Variants in WDFY4 observed in about 807,000 individuals in gnomAD.
WDFY4 encodes the protein WD repeat- and FYVE domain-containing protein 4.
In WDFY4, 169 loss-of-function variants were observed where a neutral mutation model predicts 351.9. That is an observed-to-expected ratio of 0.48 (90% CI 0.42 to 0.55). The LOEUF is 0.55. Ranked by LOEUF, WDFY4 falls within the 20% of genes least tolerant of loss-of-function variation. The probability of loss-of-function intolerance (pLI) is 0.00; values close to 1 mark genes in which losing one functional copy is unlikely to be tolerated. For synonymous variants in WDFY4, 1,622 were observed against 1,574.6 expected (o/e 1.03, Z -0.71); for missense variants, 3,803 against 3,935.6 (o/e 0.97, Z 0.90).
chr10:48,890,892 A>G (rs2070668365), intron 44 of WDFY4, among the ~76,000 whole-genome samples, 165 bp downstream of exon 44: 1 of 152,172 alleles, frequency 6.6e-6, no homozygotes. Context: ...TAGGCCATCC[A>G]TGGCCATGGT....
rs1369736249 is a variant in WDFY4, at chr10:48,789,925, T to A, written c.4006T>A (p.Cys1336Ser). ...NAMPVFLLRN[C>S]AGHLSGSLRT... ...CATGCCCGTGTTCTTGCTGAGGAAT[T>A]GTGCTGGCCACCTGTCAGGGTCTCT... The change falls in exon 22 of 62, where the codon TGT becomes AGT. Residue 1336 changes from cysteine (C) to serine (S), a missense_variant. Cys to Ser is a moderately radical substitution (Grantham distance 112). This residue lies in a region of WDFY4 where 3,054 missense variants were observed against 3,148.6 expected (regional missense o/e 0.97). Transcript: ENST00000325239. 6.4e-7 allele frequency: 1 copy of A among 1,552,314 alleles called. No homozygotes were observed. Among genetic ancestry groups the A allele is most frequent in the Non-Finnish European group, 8.7e-7 (1 of 1,147,160 alleles).
intron 14 of WDFY4, among the ~76,000 whole-genome samples, chr10:48,774,961 G>T (rs993946161): frequency 3.3e-5 from 5 of 152,204 alleles, no homozygotes; most frequent in African/African-American, 1.2e-4. Flanking sequence ...GACAAAGAGA[G>T]GAGGGAACTG....
intron 49 of WDFY4, 92 bp downstream of exon 49, chr10:48,943,541 AG>A (rs1229676983): frequency 7.4e-6 from 10 of 1,357,676 alleles, no homozygotes; most frequent in Non-Finnish European, 9.8e-6. Flanking sequence ...CTCTGCTAGG[AG>A]GTTCCGTCAC....
chr10:48,972,333 A>T (rs1842373387), intron 57 of WDFY4, among the ~76,000 whole-genome samples: 1 of 152,194 alleles, frequency 6.6e-6, no homozygotes, highest in East Asian at 1.9e-4. Context: ...GACATTTTAA[A>T]ATTACTTCAA....
chr10:48,724,700 G>A (rs1016091794), intron 5 of WDFY4, among the ~76,000 whole-genome samples: 5 of 152,104 alleles, frequency 3.3e-5, no homozygotes, highest in South Asian at 4.1e-4. Flanking sequence ...CCTACTGTGC[G>A]CAGCTCTATG....
chr10:48,716,921 C>T (rs1037961430), intron 2 of WDFY4, among the ~76,000 whole-genome samples: 1 of 152,188 alleles, frequency 6.6e-6, no homozygotes, highest in African/African-American at 2.4e-5. Context: ...TTTTTCTCTC[C>T]AGGGATTAAC....
In WDFY4 at chr10:48,790,792, C is replaced by T. The variant is rs760057528; in HGVS notation, c.4132C>T (p.Leu1378Phe). The T allele has an allele frequency of 4.5e-6, 7 of 1,551,680 alleles. No individual in the cohort carries two copies. In the African/African-American group the frequency reaches 9.6e-5, roughly 21 times the overall value. Residue 1378 changes from leucine (L) to phenylalanine (F), a missense_variant, in exon 23 of 62, where the codon CTC becomes TTC. Physicochemically the swap from Leu to Phe is conservative, Grantham distance 22. Coordinates refer to ENST00000325239, the MANE Select transcript of WDFY4 (RefSeq NM_001394531.1). The stretch of plus-strand genomic sequence containing the variant: ...GGACTTCATTGGCGGGCCTGCCATC[C>T]TCCTGGGCCTCATCTCCTTAGCGAC... ...SLDFIGGPAI[L>F]LGLISLATDD...
intron 28 of WDFY4, among the ~76,000 whole-genome samples, chr10:48,809,654 A>G (rs1033718055): frequency 1.3e-5 from 2 of 152,180 alleles, no homozygotes; most frequent in African/African-American, 4.8e-5. Context: ...CACAACGTTA[A>G]TCACTATCAC....
At chr10:48,873,296 T>C (rs767303593) in intron 40 of WDFY4, among the ~76,000 whole-genome samples, 195 bp from the exon 41 acceptor site, 6 of 152,338 alleles carry the variant, frequency 3.9e-5, no homozygotes, top group East Asian at 1.9e-4. Flanking sequence ...GATTAAGATA[T>C]CTTAAAGCTG....
At chr10:48,698,451 C>A (rs528046126) in intron 1 of WDFY4, among the ~76,000 whole-genome samples, 1 of 152,286 alleles carries the variant, frequency 6.6e-6, no homozygotes, top group East Asian at 1.9e-4. Flanking sequence ...CCATGAAATG[C>A]TCTTTCTGAG....
chr10:48,909,584 C>A (rs1837823555), intron 47 of WDFY4: 1 of 152,112 alleles, frequency 6.6e-6, no homozygotes, highest in Non-Finnish European at 1.5e-5. Flanking sequence ...TGCTTCCACT[C>A]ATGGTGGAAG....
At chr10:48,963,764 G>A (rs1841962672) in intron 53 of WDFY4, 78 bp from the exon 54 acceptor site, 2 of 1,405,058 alleles carry the variant, frequency 1.4e-6, no homozygotes, top group Admixed American at 2.0e-5. Flanking sequence ...TGAAGCATGT[G>A]CCCCTTCCAA....
Position 48,897,482 on chromosome 10 carries a change from T to G in WDFY4, c.7345T>G (p.Cys2449Gly). The stretch of plus-strand genomic sequence containing the variant: ...CAGCGATCCGTTCATTTTCAACCTG[T>G]GCAGCAAAGACAGGTCCACTGACCA... The part of the protein sequence containing the change: ...NISDPFIFNL[C>G]SKDRSTDHYS... Residue 2449 changes from cysteine to glycine, a missense_variant, in exon 45 of 62, where the codon TGC becomes GGC. Coordinates refer to ENST00000325239, the MANE Select transcript of WDFY4 (RefSeq NM_001394531.1). 3.2e-6 allele frequency: 5 copies of G among 1,551,760 alleles called. No homozygotes were observed. The highest frequency in any genetic ancestry group is 4.4e-6 in the Non-Finnish European group (5 of 1,147,034).
intron 54 of WDFY4, among the ~76,000 whole-genome samples, chr10:48,965,755 A>G (rs1842045585): frequency 8.1e-5 from 2 of 24,596 alleles, no homozygotes; most frequent in South Asian, 2.7e-3. Context: ...AGCTGGATAT[A>G]GAGTTGAAAC....
chr10:48,731,280 G>C lies in WDFY4; in HGVS notation c.1300G>C (p.Val434Leu). The C allele has an allele frequency of 6.4e-7, 1 of 1,551,974 alleles. No homozygotes were observed. Among genetic ancestry groups the C allele is most frequent in the Non-Finnish European group, 8.7e-7 (1 of 1,147,036 alleles). Residue 434 changes from valine (V) to leucine (L), a missense_variant, in exon 9 of 62, where the codon GTA (valine) becomes CTA (leucine). Val to Leu is a conservative substitution (Grantham distance 32, BLOSUM62 1). This residue lies in a region of WDFY4 where 261 missense variants were observed against 330.2 expected (regional missense o/e 0.79). Transcript: ENST00000325239. ...EWTLQPISQF[V>L]EIMPLKPAPV... ...GACCCTGCAGCCCATCTCGCAGTTT[G>C]TAGAGATCATGCCCCTGAAGCCGGC...
At chr10:48,864,640 A>G (rs2069476978) in intron 39 of WDFY4, among the ~76,000 whole-genome samples, 1 of 152,356 alleles carries the variant, frequency 6.6e-6, no homozygotes, top group Non-Finnish European at 1.5e-5. Context: ...GGAATTTGAT[A>G]GGGATTGTTA....
Position 48,810,612 on chromosome 10 carries a change from G to T in WDFY4, c.4921G>T (p.Val1641Leu). The T allele has an allele frequency of 6.4e-7, 1 of 1,551,018 alleles. No homozygotes were observed. Among genetic ancestry groups the T allele is most frequent in the Non-Finnish European group, 8.7e-7 (1 of 1,146,980 alleles). Reference protein sequence around the residue: ...LQGHLHASTTVLALKLLLYFL... With the variant: ...LQGHLHASTTLLALKLLLYFL... ...GGGCCACCTGCATGCCAGCACCACT[G>T]TGCTGGCATTGAAGCTGCTGCTGTA... The change falls in exon 29 of 62, where the codon GTG becomes TTG. Residue 1641 changes from valine to leucine, a missense_variant. Transcript: ENST00000325239.
At position 48,946,879 on chromosome 10, in the gene WDFY4, C is replaced by T. The variant is rs1461784859; in HGVS notation, c.7887C>T (p.Cys2629=). The change falls in exon 51 of 62, where the codon TGC becomes TGT. Residue 2629 remains cysteine, a synonymous_variant. Transcript: ENST00000325239. ...EKTEGDMTVQ[C]HYYTHYSSAI... is the part of the protein sequence containing the mutation. ...TTGCAGGAGACATGACTGTCCAGTG[C>T]CACTACTACACCCACTACTCCTCGG... is the stretch of plus-strand genomic sequence containing the variant. 1.9e-6 allele frequency: 3 copies of T among 1,551,834 alleles called. No individual in the cohort carries two copies. Among genetic ancestry groups the T allele is most frequent in the African/African-American group, 1.4e-5 (1 of 72,996 alleles).
chr10:48,875,045 T>C (rs746311730), intron 41 of WDFY4, 44 bp from the exon 42 acceptor site: 11 of 1,269,978 alleles, frequency 8.7e-6, no homozygotes, highest in Non-Finnish European at 4.3e-6. Flanking sequence ...AGCATAGATG[T>C]AGCATCCAGG....
Sources: gnomAD v4.1 joint callset for allele counts (sites outside exome capture counted in the v4.1 genomes callset) on GRCh38, gnomAD v4.1.1 for gene constraint, gnomAD v4.1.1 regional missense constraint, MANE v1.5 for transcripts, NCBI Gene and HGNC (gene_info 2026-07-23, HGNC 2026-07-21) for gene names.